Variants in ATP8A2 observed in about 807,000 individuals in gnomAD.
ATP8A2 encodes phospholipid-transporting ATPase IB.
ATP8A2 carries 100 observed loss-of-function variants against 165.6 expected under a neutral mutation model. The observed-to-expected ratio is 0.60, with a 90% CI of 0.51 to 0.71. The LOEUF (loss-of-function observed/expected upper bound fraction) is 0.71. Ranked by LOEUF, ATP8A2 falls within the 30% of genes least tolerant of loss-of-function variation. The pLI is 0.00. For synonymous variants in ATP8A2, 543 were observed against 548.8 expected, an observed-to-expected ratio of 0.99 and a Z score of 0.15; for missense variants, 1,227 against 1,479.5, an observed-to-expected ratio of 0.83 and a Z score of 2.80.
Position 25,558,639 on chromosome 13 carries a change from T to C in ATP8A2, c.1264-334T>C, listed in dbSNP as rs138257722. On this transcript the variant is annotated intron_variant, in intron 13 of 36. Transcript: ENST00000381655. The stretch of plus-strand genomic sequence containing the variant: ...TTCCTCTGGAGGCAATTCTGTTAAT[T>C]ACTCTCCCTCACTAATCCATGACAT... Among the ~76,000 whole-genome samples, 77 of 152,276 alleles carry C rather than the reference T, an allele frequency of 5.1e-4. No homozygotes were observed. In the Middle Eastern group the frequency reaches 0.021, roughly 41 times the overall value.
intron 35 of ATP8A2, among the ~76,000 whole-genome samples, chr13:25,978,300 C>T (rs1956102840): frequency 6.6e-6 from 1 of 152,188 alleles, no homozygotes; most frequent in Admixed American, 6.5e-5. Context: ...GATCTCTTTG[C>T]TAATCGCTTT....
intron 27 of ATP8A2, among the ~76,000 whole-genome samples, chr13:25,801,372 A>G (rs1049518670): frequency 6.6e-6 from 1 of 152,190 alleles, no homozygotes; most frequent in East Asian, 1.9e-4. Context: ...CAAAATCTCT[A>G]GGGCTTCAGT....
intron 24 of ATP8A2, among the ~76,000 whole-genome samples, chr13:25,621,348 A>G (rs1273611531): frequency 6.6e-6 from 1 of 152,176 alleles, no homozygotes; most frequent in Admixed American, 6.5e-5. Context: ...TAAATTAGCT[A>G]TGAGATATGT....
chr13:25,849,281 A>C (rs1457322732), intron 30 of ATP8A2, among the ~76,000 whole-genome samples: 3 of 152,198 alleles, frequency 2.0e-5, no homozygotes, highest in African/African-American at 7.2e-5. Context: ...AAAAGTATAC[A>C]TGTAAATCCA....
At chr13:25,959,945 A>T (rs572803794) in intron 33 of ATP8A2, among the ~76,000 whole-genome samples, 1 of 152,346 alleles carries the variant, frequency 6.6e-6, no homozygotes, top group East Asian at 1.9e-4. Context: ...TTTTCGGTCA[A>T]AAGCTGGTAC....
chr13:25,954,148 T>C (rs1007813634), intron 33 of ATP8A2, among the ~76,000 whole-genome samples: 3 of 152,182 alleles, frequency 2.0e-5, no homozygotes, highest in Non-Finnish European at 4.4e-5. Flanking sequence ...GAAGTTGACC[T>C]GGGACACTCG....
chr13:25,808,884 C>T (rs1950801053), intron 27 of ATP8A2, among the ~76,000 whole-genome samples: 1 of 152,036 alleles, frequency 6.6e-6, no homozygotes, highest in Non-Finnish European at 1.5e-5. Flanking sequence ...GAGAAGCAAA[C>T]TGGCAATCCA....
At chr13:25,779,098 G>A (rs563271655) in intron 27 of ATP8A2, among the ~76,000 whole-genome samples, 74 of 148,000 alleles carry the variant, frequency 5.0e-4, no homozygotes, top group Non-Finnish European at 9.2e-4. Flanking sequence ...TATCTATATT[G>A]TACAATCATT....
chr13:25,825,878 G>A (rs1951301278), intron 27 of ATP8A2, among the ~76,000 whole-genome samples: 1 of 151,886 alleles, frequency 6.6e-6, no homozygotes, highest in Admixed American at 6.6e-5. Context: ...CCTCTTGGAA[G>A]GGTAGTTGAA....
At chr13:25,606,897 GCA>G (rs1322413602) in intron 24 of ATP8A2, among the ~76,000 whole-genome samples, 1 of 152,160 alleles carries the variant, frequency 6.6e-6, no homozygotes, top group Non-Finnish European at 1.5e-5. Flanking sequence ...GTACAAGGCA[GCA>G]GAGTGTAGAT....
chr13:25,489,081 G>A (rs1302276869), intron 2 of ATP8A2, among the ~76,000 whole-genome samples: 3 of 151,932 alleles, frequency 2.0e-5, no homozygotes, highest in South Asian at 2.1e-4. Flanking sequence ...TCAGTCTCTC[G>A]TGTCTCCACC....
chr13:25,534,981 G>A (rs573673120), intron 6 of ATP8A2, among the ~76,000 whole-genome samples: 1 of 152,226 alleles, frequency 6.6e-6, no homozygotes, highest in African/African-American at 2.4e-5. Context: ...CTGGGAGAGA[G>A]AGGCAACTAA....
In ATP8A2 at chr13:25,699,283, C is replaced by T; in HGVS notation, c.2322C>T (p.Ser774=). The stretch of plus-strand genomic sequence containing the variant: ...GCCACACCCTGAAGTACGCGCTCTC[C>T]TTCGAAGTCCGGAGGAGTTTCCTGG... ...IDGHTLKYAL[S]FEVRRSFLDL... Residue 774 remains serine, a synonymous_variant, in exon 25 of 37, where the codon TCC becomes TCT. Transcript: ENST00000381655. 4 of 1,613,802 alleles carry T rather than the reference C, an allele frequency of 2.5e-6. No individual in the cohort carries two copies. Among genetic ancestry groups the T allele is most frequent in the Non-Finnish European group, 2.5e-6 (3 of 1,179,842 alleles).
chr13:25,456,562 A>ACATCTCAGAGGAGAGAAAGC (rs2035368639), intron 1 of ATP8A2, among the ~76,000 whole-genome samples: 1 of 152,200 alleles, frequency 6.6e-6, no homozygotes, highest in Non-Finnish European at 1.5e-5. Flanking sequence ...ACAAGGGAAG[A>ACATCTCAGAGGAGAGAAAGC]CATCTCAGAG....
intron 24 of ATP8A2, among the ~76,000 whole-genome samples, chr13:25,643,426 T>A (rs546381454): frequency 1.3e-5 from 2 of 152,152 alleles, no homozygotes; most frequent in Non-Finnish European, 2.9e-5. Flanking sequence ...TAACCCCTGC[T>A]GTGTGAAGCT....
In ATP8A2 at chr13:25,996,089, T is replaced by A. The variant is rs142653620; in HGVS notation, c.3378-16442T>A. 3.4e-3 allele frequency among the ~76,000 whole-genome samples: 520 copies of A among 152,310 alleles called. 2 individuals carry two copies. Among genetic ancestry groups the A allele is most frequent in the African/African-American group, 0.012 (504 of 41,580 alleles). ...ACCACTTTATCTAATATTAATATAG[T>A]TACTTAGGTTTTATTTTGATTAATG... On this transcript the variant is annotated intron_variant, in intron 35 of 36. Transcript: ENST00000381655.
intron 24 of ATP8A2, among the ~76,000 whole-genome samples, chr13:25,634,712 A>T (rs1300203576): frequency 6.6e-6 from 1 of 152,148 alleles, no homozygotes; most frequent in Non-Finnish European, 1.5e-5. Flanking sequence ...AGTTTTTGAA[A>T]TTAAAAATGA....
At chr13:25,719,431 GTGGGTGGA>G (rs546406468) in intron 25 of ATP8A2, among the ~76,000 whole-genome samples, 475 of 151,830 alleles carry the variant, frequency 3.1e-3, no homozygotes, top group African/African-American at 0.01. Context: ...GAAAGGTTGG[GTGGGTGGA>G]TGGGTGGATG....
chr13:25,387,731 C>T (rs763195486), intron 1 of ATP8A2, among the ~76,000 whole-genome samples: 50 of 152,024 alleles, frequency 3.3e-4, no homozygotes, highest in Admixed American at 7.9e-4. Context: ...ATAGGGGTTT[C>T]GTTCTTTAAT....
Sources: gnomAD v4.1 joint callset for allele counts (sites outside exome capture counted in the v4.1 genomes callset) on GRCh38, gnomAD v4.1.1 for gene constraint, MANE v1.5 for transcripts, NCBI Gene and HGNC (gene_info 2026-07-23, HGNC 2026-07-21) for gene names.